Variants in TCF12 observed in about 807,000 individuals in gnomAD.
TCF12 encodes transcription factor 12, also known as DNA-binding protein HTF4.
TCF12 carries 45 observed loss-of-function variants against 86.0 expected under a neutral mutation model. The observed-to-expected ratio is 0.52, with a 90% CI of 0.41 to 0.67. The LOEUF is 0.67. TCF12 is among the 30% of genes least tolerant of loss of function. The pLI is 0.00. For missense variants in TCF12, 881 were observed against 859.9 expected, an observed-to-expected ratio of 1.02 and a Z score of -0.31; for synonymous variants, 330 against 299.6, an observed-to-expected ratio of 1.10 and a Z score of -1.05.
At chr15:57,272,885 A>G in intron 18 of TCF12, 145 bp from the exon 19 acceptor site, 1 of 730,382 alleles carries the variant, frequency 1.4e-6, no homozygotes, top group Non-Finnish European at 2.2e-6. Flanking sequence ...AGGAATATAC[A>G]GTCATGTTAA....
intron 5 of TCF12, among the ~76,000 whole-genome samples, chr15:57,111,929 A>AC (rs1331099779): frequency 1.3e-5 from 2 of 152,144 alleles, no homozygotes; most frequent in African/African-American, 4.8e-5. Context: ...GGAAGAGGAG[A>AC]AAGTGCAGAG....
In TCF12 at chr15:57,130,194, A is replaced by G. The variant is rs140336466; in HGVS notation, c.326-36208A>G. 2.0e-3 allele frequency among the ~76,000 whole-genome samples: 301 copies of G among 152,304 alleles called. 2 individuals carry two copies. The highest frequency in any genetic ancestry group is 7.0e-3 in the African/African-American group (291 of 41,556). ...TAACAGATGAAAGGCTCAATTTTGG[A>G]TGAATGTCTTGATGCATGACCACCA... On this transcript the variant is annotated intron_variant, in intron 5 of 20. Coordinates refer to ENST00000333725, the MANE Select transcript of TCF12 (RefSeq NM_207037.2).
At chr15:57,206,457 G>A (rs181524713) in intron 8 of TCF12, among the ~76,000 whole-genome samples, 3 of 151,914 alleles carry the variant, frequency 2.0e-5, no homozygotes, top group Non-Finnish European at 2.9e-5. Flanking sequence ...TTGCCAACCT[G>A]CACTAGATTT....
At chr15:56,923,933 T>A (rs1318493477) in intron 3 of TCF12, among the ~76,000 whole-genome samples, 1 of 152,068 alleles carries the variant, frequency 6.6e-6, no homozygotes, top group Non-Finnish European at 1.5e-5. Flanking sequence ...TTGCCCAAAA[T>A]TTTCAGAGAT....
At chr15:57,100,161 A>G (rs1596524329) in intron 5 of TCF12, among the ~76,000 whole-genome samples, 1 of 152,016 alleles carries the variant, frequency 6.6e-6, no homozygotes, top group Non-Finnish European at 1.5e-5. Flanking sequence ...GTGAACATGA[A>G]CTCCTAACCA....
chr15:57,208,530 G>T (rs1380291750), intron 8 of TCF12, among the ~76,000 whole-genome samples: 2 of 148,904 alleles, frequency 1.3e-5, no homozygotes, highest in Admixed American at 6.7e-5. Context: ...CTACAGGCAA[G>T]TGCCACCACA....
chr15:57,194,268 G>T (rs538369580), intron 7 of TCF12, among the ~76,000 whole-genome samples: 2 of 152,154 alleles, frequency 1.3e-5, no homozygotes, highest in South Asian at 4.2e-4. Context: ...CATGCCAGGG[G>T]CATTGCTGTA....
intron 3 of TCF12, among the ~76,000 whole-genome samples, chr15:57,059,228 G>C (rs371364249): frequency 2.3e-4 from 35 of 152,182 alleles, no homozygotes; most frequent in East Asian, 9.6e-4. Context: ...ACCAGCGGGT[G>C]GGGGGAGAAA....
intron 3 of TCF12, among the ~76,000 whole-genome samples, chr15:57,051,712 T>G (rs1016276053): frequency 6.6e-6 from 1 of 152,240 alleles, no homozygotes; most frequent in African/African-American, 2.4e-5. Context: ...TGCCTTCATT[T>G]AACCATATAG....
intron 17 of TCF12, among the ~76,000 whole-genome samples, chr15:57,262,761 C>G (rs1481393637): frequency 6.6e-6 from 1 of 152,172 alleles, no homozygotes; most frequent in African/African-American, 2.4e-5. Context: ...ACTGTTTATC[C>G]AGGAAGATGT....
chr15:57,047,482 G>C (rs2067310672), intron 3 of TCF12, among the ~76,000 whole-genome samples: 1 of 152,098 alleles, frequency 6.6e-6, no homozygotes, highest in African/African-American at 2.4e-5. Flanking sequence ...GGTTTAATAA[G>C]GATTCTTAAT....
chr15:57,074,931 A>T (rs2151018563), intron 4 of TCF12, among the ~76,000 whole-genome samples: 1 of 152,280 alleles, frequency 6.6e-6, no homozygotes, highest in Non-Finnish European at 1.5e-5. Flanking sequence ...TAATGGTTAG[A>T]TTTTTGTGTC....
chr15:57,098,484 CT>C (rs1567417725), intron 5 of TCF12, among the ~76,000 whole-genome samples: 2 of 151,894 alleles, frequency 1.3e-5, no homozygotes, highest in Non-Finnish European at 2.9e-5. Flanking sequence ...CTTTTTCTGC[CT>C]TTTACAGAGG....
intron 3 of TCF12, among the ~76,000 whole-genome samples, chr15:57,011,319 G>T (rs1393379792): frequency 6.6e-6 from 1 of 151,962 alleles, no homozygotes; most frequent in Non-Finnish European, 1.5e-5. Context: ...GTGAGATCTG[G>T]TTGTTTATAA....
intron 5 of TCF12, among the ~76,000 whole-genome samples, chr15:57,106,736 C>T (rs7168387): frequency 0.43 from 65,222 of 152,010 alleles, 14,216 homozygotes; most frequent in East Asian, 0.58. Context: ...AGAAAACTTG[C>T]ACTGGGTTAA....
At chr15:56,938,050 T>TC (rs2060549710) in intron 3 of TCF12, among the ~76,000 whole-genome samples, 1 of 149,970 alleles carries the variant, frequency 6.7e-6, no homozygotes, top group African/African-American at 2.4e-5. Context: ...CTTTTCTTTT[T>TC]TTTTTTTTTT....
chr15:57,240,129 A>G (rs188580167), intron 12 of TCF12, among the ~76,000 whole-genome samples: 2 of 152,328 alleles, frequency 1.3e-5, no homozygotes, highest in East Asian at 3.9e-4. Context: ...AATCACTTAA[A>G]TGGAAATTCC....
intron 5 of TCF12, 143 bp downstream of exon 5, chr15:57,092,034 A>G (rs1966954): frequency 2.4e-4 from 137 of 560,874 alleles, no homozygotes; most frequent in African/African-American, 2.3e-3. Flanking sequence ...TTTCTTGTTC[A>G]GCACAGCTTG....
chr15:56,937,207 C>T (rs1017715265), intron 3 of TCF12, among the ~76,000 whole-genome samples: 3 of 152,002 alleles, frequency 2.0e-5, no homozygotes, highest in Admixed American at 2.0e-4. Context: ...AGGTATATTC[C>T]TAAGTATTAA....
Sources: gnomAD v4.1 joint callset for allele counts (sites outside exome capture counted in the v4.1 genomes callset) on GRCh38, gnomAD v4.1.1 for gene constraint, MANE v1.5 for transcripts, NCBI Gene and HGNC (gene_info 2026-07-23, HGNC 2026-07-21) for gene names.